The following EPHA5 variants were observed in gnomAD, a reference collection of about 807,000 sequenced individuals.
EPHA5 encodes the protein EPH receptor A5, also known as ephrin type-A receptor 5.
EPHA5 carries 60 observed loss-of-function variants against 105.0 expected under a neutral mutation model. The ratio of observed to expected loss-of-function variants is 0.57; its 90% confidence interval spans 0.46 to 0.71. The LOEUF is 0.71. Ranked by LOEUF, EPHA5 falls within the 30% of genes least tolerant of loss-of-function variation. The pLI is 0.00. For missense variants in EPHA5, 1,218 were observed against 1,274.7 expected (o/e 0.96, Z 0.68); for synonymous variants, 513 against 449.1 (o/e 1.14, Z -1.80).
At chr4:65,443,004 C>G (rs1202133761) in intron 5 of EPHA5, among the ~76,000 whole-genome samples, 1 of 152,088 alleles carries the variant, frequency 6.6e-6, no homozygotes, top group African/African-American at 2.4e-5. Flanking sequence ...TTTAAAGTCG[C>G]TATTTGAACA....
intron 3 of EPHA5, among the ~76,000 whole-genome samples, chr4:65,535,264 C>G (rs1736183501): frequency 6.6e-6 from 1 of 151,992 alleles, no homozygotes; most frequent in Non-Finnish European, 1.5e-5. Flanking sequence ...GCTCTGTTCC[C>G]CTTGTCATGA....
At chr4:65,470,784 T>C (rs1729210651) in intron 5 of EPHA5, among the ~76,000 whole-genome samples, 1 of 152,220 alleles carries the variant, frequency 6.6e-6, no homozygotes, top group South Asian at 2.1e-4. Context: ...AAGCCACTAA[T>C]ATTTGCAGTC....
intron 3 of EPHA5, among the ~76,000 whole-genome samples, chr4:65,552,411 G>A (rs1345706090): frequency 2.0e-5 from 3 of 152,132 alleles, no homozygotes; most frequent in Admixed American, 6.6e-5. Flanking sequence ...GGCAACCTGG[G>A]CCATGAAATC....
At chr4:65,636,995 T>C (rs1022091149) in intron 2 of EPHA5, among the ~76,000 whole-genome samples, 2 of 151,972 alleles carry the variant, frequency 1.3e-5, no homozygotes, top group Non-Finnish European at 2.9e-5. Flanking sequence ...TGCTGTAACA[T>C]AGTACTGCTA....
At chr4:65,608,437 G>A (rs1002116641) in intron 2 of EPHA5, among the ~76,000 whole-genome samples, 1 of 151,878 alleles carries the variant, frequency 6.6e-6, no homozygotes, top group East Asian at 1.9e-4. Context: ...CCATGAGGCG[G>A]AGCCTGCAGT....
intron 3 of EPHA5, among the ~76,000 whole-genome samples, chr4:65,583,660 C>G (rs1741855396): frequency 6.6e-6 from 1 of 151,628 alleles, no homozygotes; most frequent in Admixed American, 6.6e-5. Context: ...TATTACAGAA[C>G]AATAAGGCTA....
chr4:65,527,148 T>C (rs973562576), intron 3 of EPHA5, among the ~76,000 whole-genome samples: 2 of 152,130 alleles, frequency 1.3e-5, no homozygotes, highest in Admixed American at 1.3e-4. Flanking sequence ...AAATTTTACC[T>C]TTCTGCATAT....
rs1183634936 is a variant in EPHA5 at position 65,324,197 on chromosome 4, T to A, written c.2968A>T (p.Thr990Ser). 3 of 1,609,018 alleles carry A rather than the reference T, an allele frequency of 1.9e-6. No individual in the cohort carries two copies. The African/African-American group carries it at 4.0e-5, about 22-fold the overall frequency. The change falls in exon 17 of 17, where the codon ACT becomes TCT. Residue 990 changes from threonine to serine, a missense_variant. This residue lies in a region of EPHA5 where 971 missense variants were observed against 1,013.5 expected (regional missense o/e 0.96). Coordinates refer to ENST00000613740, the MANE Select transcript of EPHA5 (RefSeq NM_001281766.3). ...ATCTTCTTCTGGTGACCGACAAGAG[T>A]CACTCCAAGCCGTCTCAAATCCCTG... ...TLEDLRRLGV[T>S]LVGHQKKIMN... is the part of the protein sequence containing the mutation.
Position 65,404,645 on chromosome 4 carries a change from A to G in EPHA5, c.1688-166T>C, listed in dbSNP as rs151189862. 6.0e-3 allele frequency among the ~76,000 whole-genome samples: 921 copies of G among 152,334 alleles called. 11 individuals are homozygous for G. The highest frequency in any genetic ancestry group is 0.021 in the African/African-American group (861 of 41,582). ...CTTAAAAGTGTGTAATTGAAAAGTCATCTATAATAGAAAATATTTACTTTC... is the reference window on the plus strand; with the variant it reads ...CTTAAAAGTGTGTAATTGAAAAGTCGTCTATAATAGAAAATATTTACTTTC... On this transcript the variant is annotated intron_variant, in intron 7 of 16. Coordinates refer to ENST00000613740, the MANE Select transcript of EPHA5 (RefSeq NM_001281766.3).
intron 5 of EPHA5, among the ~76,000 whole-genome samples, chr4:65,423,396 A>G (rs1218110119): frequency 1.3e-5 from 2 of 152,012 alleles, no homozygotes; most frequent in Non-Finnish European, 2.9e-5. Flanking sequence ...TTTGTAGCCC[A>G]CATTTAAGGA....
chr4:65,533,292 T>C (rs1014946956), intron 3 of EPHA5, among the ~76,000 whole-genome samples: 14 of 152,306 alleles, frequency 9.2e-5, no homozygotes, highest in Middle Eastern at 3.4e-3. Flanking sequence ...ATTTTTGCCA[T>C]ATCTTTACTT....
intron 5 of EPHA5, among the ~76,000 whole-genome samples, chr4:65,486,841 A>C (rs1463399594): frequency 1.3e-5 from 2 of 152,214 alleles, no homozygotes; most frequent in Non-Finnish European, 2.9e-5. Flanking sequence ...CCCAAATCTC[A>C]TGTTTAATTG....
At chr4:65,364,801 T>C (rs993520947) in intron 11 of EPHA5, among the ~76,000 whole-genome samples, 15 of 151,576 alleles carry the variant, frequency 9.9e-5, no homozygotes, top group Non-Finnish European at 1.3e-4. Flanking sequence ...ATTGAATTCA[T>C]AGCAAATGGG....
chr4:65,584,409 A>G (rs1741921715), intron 3 of EPHA5, among the ~76,000 whole-genome samples: 2 of 151,876 alleles, frequency 1.3e-5, no homozygotes, highest in African/African-American at 4.8e-5. Flanking sequence ...CTTTTCCAAA[A>G]TTCTCTTGCA....
chr4:65,624,387 G>A (rs917193339), intron 2 of EPHA5, among the ~76,000 whole-genome samples: 1 of 152,226 alleles, frequency 6.6e-6, no homozygotes, highest in African/African-American at 2.4e-5. Flanking sequence ...CAAATTCACT[G>A]CAGACTGTGG....
intron 11 of EPHA5, among the ~76,000 whole-genome samples, chr4:65,355,054 T>C (rs1009944858): frequency 6.6e-6 from 1 of 151,744 alleles, no homozygotes; most frequent in African/African-American, 2.4e-5. Flanking sequence ...ATGCAGAGAA[T>C]GTGCATTTTG....
At position 65,507,105 on chromosome 4, in the gene EPHA5, A is replaced by G. The variant is rs184138730; in HGVS notation, c.911-11562T>C. Among the ~76,000 whole-genome samples the G allele has an allele frequency of 2.2e-3, 339 of 152,190 alleles. 1 individual carries two copies. Among genetic ancestry groups the G allele is most frequent in the Non-Finnish European group, 4.1e-3 (276 of 67,998 alleles). ...CATATGGCTAGTCAGTTTTCCCAGC[A>G]CCATTTATTAAATAGGGAATCCTTT... is the stretch of plus-strand genomic sequence containing the variant. On this transcript the variant is annotated intron_variant, in intron 3 of 16. Transcript: ENST00000613740.
chr4:65,454,416 A>T (rs764276862), intron 5 of EPHA5, among the ~76,000 whole-genome samples: 1 of 152,210 alleles, frequency 6.6e-6, no homozygotes, highest in Non-Finnish European at 1.5e-5. Context: ...TATAGATCAG[A>T]GTCAGATGCC....
intron 3 of EPHA5, among the ~76,000 whole-genome samples, chr4:65,593,890 C>A (rs946005055): frequency 6.6e-6 from 1 of 152,112 alleles, no homozygotes; most frequent in Admixed American, 6.5e-5. Flanking sequence ...GTGTTGGTTA[C>A]TTTGTTTCTT....
Sources: allele counts gnomAD v4.1 joint callset (sites outside exome capture counted in the v4.1 genomes callset), GRCh38; gene constraint gnomAD v4.1.1; regional missense constraint gnomAD v4.1.1; transcripts MANE v1.5; gene names NCBI Gene and HGNC (gene_info 2026-07-23, HGNC 2026-07-21).